PDSS2: variants seen among roughly 807,000 people sequenced by gnomAD.
The protein encoded by PDSS2 is decaprenyl diphosphate synthase subunit 2.
In PDSS2, 31 loss-of-function variants were observed where a neutral mutation model predicts 44.5. That is an observed-to-expected ratio of 0.70 (90% CI 0.52 to 0.94). The LOEUF (loss-of-function observed/expected upper bound fraction) is 0.94. Ranked by LOEUF, PDSS2 falls within the 40% of genes least tolerant of loss-of-function variation. PDSS2 has a pLI of 0.00. For synonymous variants in PDSS2, 157 were observed against 180.3 expected (o/e 0.87, Z 1.03); for missense variants, 452 against 482.2 (o/e 0.94, Z 0.59).
At chr6:107,419,428 A>AAG (rs1209674336) in intron 1 of PDSS2, among the ~76,000 whole-genome samples, 1 of 152,238 alleles carries the variant, frequency 6.6e-6, no homozygotes, top group Non-Finnish European at 1.5e-5. Context: ...ATAGTGCTCC[A>AAG]AGAAAAAGGT....
chr6:107,205,699 G>A (rs942299250), intron 6 of PDSS2, among the ~76,000 whole-genome samples: 1 of 152,148 alleles, frequency 6.6e-6, no homozygotes, highest in Non-Finnish European at 1.5e-5. Context: ...GGTTGTGTGC[G>A]TGTGTGTCAA....
chr6:107,232,452 C>A (rs1055209725), intron 4 of PDSS2, among the ~76,000 whole-genome samples: 2 of 152,064 alleles, frequency 1.3e-5, no homozygotes, highest in Admixed American at 1.3e-4. Context: ...AATGTTTTTT[C>A]CCCCCAACAT....
At chr6:107,383,202 G>C (rs1042256979) in intron 1 of PDSS2, among the ~76,000 whole-genome samples, 2 of 145,954 alleles carry the variant, frequency 1.4e-5, no homozygotes, top group African/African-American at 2.6e-5. Context: ...AGGAGGCCAA[G>C]GCAGGAGAAT....
chr6:107,238,472 A>AT (rs1774305201), intron 4 of PDSS2, among the ~76,000 whole-genome samples: 11 of 152,216 alleles, frequency 7.2e-5, no homozygotes, highest in Non-Finnish European at 1.5e-4. Flanking sequence ...GGAAGAAACC[A>AT]GGTGTAAACT....
chr6:107,175,693 T>G (rs2114416699), intron 7 of PDSS2, among the ~76,000 whole-genome samples: 1 of 152,332 alleles, frequency 6.6e-6, no homozygotes, highest in South Asian at 2.1e-4. Flanking sequence ...AACCTAAAAA[T>G]GCCATATGGT....
intron 1 of PDSS2, among the ~76,000 whole-genome samples, chr6:107,405,431 GA>G (rs1414921377): frequency 6.7e-6 from 1 of 149,942 alleles, no homozygotes; most frequent in African/African-American, 2.5e-5. Context: ...ACCACAAACA[GA>G]AAAAAAAGAG....
chr6:107,425,113 G>T (rs1011936057), intron 1 of PDSS2, among the ~76,000 whole-genome samples: 1 of 152,174 alleles, frequency 6.6e-6, no homozygotes, highest in African/African-American at 2.4e-5. Context: ...CTTCCACCAT[G>T]ATTGTGAGTC....
intron 2 of PDSS2, among the ~76,000 whole-genome samples, chr6:107,286,836 C>T (rs945424883): frequency 2.6e-5 from 4 of 151,794 alleles, no homozygotes; most frequent in African/African-American, 9.7e-5. Flanking sequence ...GTCAAAAGAT[C>T]GAGACCATCC....
intron 7 of PDSS2, 46 bp downstream of exon 7, chr6:107,193,775 CA>C: frequency 8.8e-7 from 1 of 1,139,680 alleles, no homozygotes; most frequent in Non-Finnish European, 1.3e-6. Context: ...AGCCAAACAC[CA>C]AATTGAAATG....
At chr6:107,433,175 G>GT (rs1259476405) in intron 1 of PDSS2, among the ~76,000 whole-genome samples, 2 of 151,432 alleles carry the variant, frequency 1.3e-5, no homozygotes, top group Non-Finnish European at 2.9e-5. Context: ...ACTCATATTC[G>GT]TAAGTATTTT....
At chr6:107,256,583 A>T (rs1775030248) in intron 3 of PDSS2, among the ~76,000 whole-genome samples, 1 of 152,210 alleles carries the variant, frequency 6.6e-6, no homozygotes, top group Non-Finnish European at 1.5e-5. Context: ...AATCCATGCA[A>T]TTTGACTAAA....
At chr6:107,434,668 ATCTAGTATTTGATAG>A (rs1781294060) in intron 1 of PDSS2, among the ~76,000 whole-genome samples, 1 of 152,156 alleles carries the variant, frequency 6.6e-6, no homozygotes, top group Non-Finnish European at 1.5e-5. Context: ...AATGAATAAA[ATCTAGTATTTGATAG>A]CACAACAGTG....
At chr6:107,229,650 G>A (rs755657733) in intron 4 of PDSS2, 2 of 152,082 alleles carry the variant, frequency 1.3e-5, no homozygotes, top group African/African-American at 2.4e-5. Context: ...TCAAAGCCCC[G>A]ATCTTCCATT....
At chr6:107,321,478 G>C (rs1046637128) in intron 2 of PDSS2, among the ~76,000 whole-genome samples, 10 of 152,178 alleles carry the variant, frequency 6.6e-5, no homozygotes, top group Admixed American at 3.3e-4. Flanking sequence ...TTTCTTCTAT[G>C]TTCTAGCTCT....
chr6:107,399,534 A>G (rs1780044602), intron 1 of PDSS2, among the ~76,000 whole-genome samples: 1 of 152,198 alleles, frequency 6.6e-6, no homozygotes, highest in Non-Finnish European at 1.5e-5. Flanking sequence ...AGATACATTT[A>G]TGTCTATACC....
intron 7 of PDSS2, among the ~76,000 whole-genome samples, chr6:107,184,212 G>A (rs1053374736): frequency 6.6e-6 from 1 of 152,158 alleles, no homozygotes; most frequent in Non-Finnish European, 1.5e-5. Flanking sequence ...ATGTGCCAAT[G>A]TGAAAAAGTC....
intron 4 of PDSS2, among the ~76,000 whole-genome samples, chr6:107,235,570 T>C (rs1229308971): frequency 6.6e-6 from 1 of 152,134 alleles, no homozygotes; most frequent in African/African-American, 2.4e-5. Context: ...CTTAACTACA[T>C]TCAAGAAGAA....
intron 4 of PDSS2, among the ~76,000 whole-genome samples, chr6:107,215,021 A>G (rs1773364782): frequency 6.6e-6 from 1 of 152,232 alleles, no homozygotes; most frequent in African/African-American, 2.4e-5. Context: ...AAAGCCACAC[A>G]GGAGAGAAAC....
At chr6:107,446,342 AC>A (rs1334010534) in intron 1 of PDSS2, among the ~76,000 whole-genome samples, 2 of 152,108 alleles carry the variant, frequency 1.3e-5, no homozygotes, top group South Asian at 2.1e-4. Context: ...AGAAATAATT[AC>A]AGACAAACAC....
Sources: allele counts gnomAD v4.1 joint callset (sites outside exome capture counted in the v4.1 genomes callset), GRCh38; gene constraint gnomAD v4.1.1; transcripts MANE v1.5; gene names NCBI Gene and HGNC (gene_info 2026-07-23, HGNC 2026-07-21).